CRHR2: variants seen among roughly 807,000 people sequenced by gnomAD.
CRHR2 encodes corticotropin-releasing hormone receptor 2.
A neutral mutation model predicts 57.9 loss-of-function variants in CRHR2; 53 were observed. That is an observed-to-expected ratio of 0.92 (90% CI 0.73 to 1.15). CRHR2 has a LOEUF of 1.15. Among genes scored for constraint, CRHR2 ranks in the 50% most tolerant of loss-of-function variants. CRHR2 has a pLI of 0.00. For synonymous variants in CRHR2, 213 were observed against 220.9 expected (o/e 0.96, Z 0.32); for missense variants, 532 against 542.6 (o/e 0.98, Z 0.19).
At chr7:30,664,269 G>A (rs532238807) in intron 5 of CRHR2, among the ~76,000 whole-genome samples, 1 of 152,328 alleles carries the variant, frequency 6.6e-6, no homozygotes, top group South Asian at 2.1e-4. Flanking sequence ...GATGGCCCAA[G>A]ACTAGTCTAC....
chr7:30,658,453 G>A (rs369950023), intron 8 of CRHR2, among the ~76,000 whole-genome samples: 111 of 152,286 alleles, frequency 7.3e-4, no homozygotes, highest in Non-Finnish European at 9.3e-4. Flanking sequence ...GGTTGGGGGT[G>A]GGGGAGATGA....
chr7:30,654,919 T>C, intron 11 of CRHR2, 120 bp downstream of exon 11: 2 of 1,553,816 alleles, frequency 1.3e-6, no homozygotes, highest in Non-Finnish European at 8.7e-7. Context: ...GGCCGGGTGG[T>C]ATCTCAAGGC....
chr7:30,682,130 G>C (rs1223436855), intron 1 of CRHR2, 48 bp downstream of exon 1: 1 of 1,534,854 alleles, frequency 6.5e-7, no homozygotes, highest in African/African-American at 1.4e-5. Flanking sequence ...CACCCAGCGC[G>C]CGAGAGAAGG....
chr7:30,698,122 G>A (rs1215358538), intron 1 of CRHR2: 1 of 152,344 alleles, frequency 6.6e-6, no homozygotes, highest in Non-Finnish European at 1.5e-5. Flanking sequence ...CAGGACCCGG[G>A]AAAAAGTCCC....
intron 1 of CRHR2, 67 bp from the exon 2 acceptor site, chr7:30,682,107 G>C: frequency 1.3e-6 from 2 of 1,536,234 alleles, no homozygotes; most frequent in African/African-American, 2.8e-5. Flanking sequence ...CTCGGAGCGC[G>C]GGGTCAGGGG....
chr7:30,693,450 G>C (rs568608567), intron 1 of CRHR2, among the ~76,000 whole-genome samples: 6 of 152,314 alleles, frequency 3.9e-5, no homozygotes, highest in African/African-American at 1.4e-4. Context: ...GTGCGGGGAG[G>C]GTGGCATCCA....
At position 30,682,289 on chromosome 7, in the gene CRHR2, G is replaced by T. The variant is rs554066472; in HGVS notation, c.-9C>A. 3.9e-6 allele frequency: 6 copies of T among 1,554,664 alleles called. No homozygotes were observed. The highest frequency in any genetic ancestry group is 5.2e-6 in the Non-Finnish European group (6 of 1,158,120). ...AGCAGTGCCGCGTCCATCGCGTCCC[G>T]CAGCCGCGTGCGGAGAGGGAGTGGG... On this transcript the variant is annotated 5_prime_UTR_variant, in exon 1 of 12. Transcript: ENST00000471646.
intron 2 of CRHR2, among the ~76,000 whole-genome samples, chr7:30,680,619 C>T (rs182281872): frequency 6.6e-6 from 1 of 152,264 alleles, no homozygotes; most frequent in Admixed American, 6.5e-5. Flanking sequence ...TCTGCTTGCA[C>T]ACCTCCTAGC....
chr7:30,677,800 T>C (rs1006709497), intron 2 of CRHR2, among the ~76,000 whole-genome samples: 2 of 152,204 alleles, frequency 1.3e-5, no homozygotes, highest in Non-Finnish European at 2.9e-5. Context: ...CCAGGTGCAG[T>C]GGCTCACGCC....
At chr7:30,657,808 C>G (rs1413128525) in intron 8 of CRHR2, among the ~76,000 whole-genome samples, 1 of 152,078 alleles carries the variant, frequency 6.6e-6, no homozygotes, top group Non-Finnish European at 1.5e-5. Context: ...ATTCATCCTT[C>G]CTTCCTTCCA....
In CRHR2 at chr7:30,662,799, T is replaced by C; in HGVS notation, c.592A>G (p.Asn198Asp). The change falls in exon 6 of 12, where the codon AAC becomes GAC. Residue 198 changes from asparagine to aspartate, a missense_variant. By Grantham distance (23) the Asn-to-Asp change is conservative. Coordinates refer to ENST00000471646, the MANE Select transcript of CRHR2 (RefSeq NM_001883.5). Reference protein sequence around the residue: ...TTIFNYFVVTNFFWMFVEGCY... With the variant: ...TTIFNYFVVTDFFWMFVEGCY... ...CCTTCCACAAACATCCAGAAGAAGT[T>C]GGTCACCACGAAGTAGTTGAAGATG... 6.2e-7 allele frequency: 1 copy of C among 1,614,130 alleles called. No individual in the cohort carries two copies. Among genetic ancestry groups the C allele is most frequent in the Non-Finnish European group, 8.5e-7 (1 of 1,180,024 alleles).
chr7:30,667,122 C>T, intron 3 of CRHR2, 106 bp downstream of exon 3: 1 of 955,818 alleles, frequency 1.0e-6, no homozygotes, highest in South Asian at 1.4e-5. Flanking sequence ...AAGGGAGTGA[C>T]TGGGTGACAA....
At chr7:30,683,628 T>TGGG (rs1784793707), upstream of CRHR2, among the ~76,000 whole-genome samples, 1 of 152,206 alleles carries the variant, frequency 6.6e-6, no homozygotes, top group Non-Finnish European at 1.5e-5. Flanking sequence ...CCAGGCAGGA[T>TGGG]GCTTGCCCTC....
intron 11 of CRHR2, 32 bp downstream of exon 11, chr7:30,655,007 T>G (rs749395156): frequency 6.2e-7 from 1 of 1,609,078 alleles, no homozygotes; most frequent in South Asian, 1.1e-5. Context: ...GACCTGGATA[T>G]CCCAGGCCAC....
chr7:30,655,754 G>C, intron 9 of CRHR2, 39 bp from the exon 10 acceptor site: 1 of 1,603,654 alleles, frequency 6.2e-7, no homozygotes, highest in Middle Eastern at 1.7e-4. Flanking sequence ...AGCCCATGCG[G>C]CAGGCAGGGC....
chr7:30,668,010 CAG>C (rs1227685034), intron 2 of CRHR2, among the ~76,000 whole-genome samples: 1 of 152,218 alleles, frequency 6.6e-6, no homozygotes, highest in East Asian at 1.9e-4. Context: ...GCTGGGGACT[CAG>C]GGCTGGGCCA....
In CRHR2 at chr7:30,662,916, C is replaced by T. The variant is rs1384042008; in HGVS notation, c.544-69G>A. The T allele has an allele frequency of 3.8e-6, 6 of 1,562,462 alleles. No individual in the cohort carries two copies. The African/African-American group carries it at 8.1e-5, about 21-fold the overall frequency. On this transcript the variant is annotated intron_variant, in intron 5 of 11. Coordinates refer to ENST00000471646, the MANE Select transcript of CRHR2 (RefSeq NM_001883.5). ...CAGGTAGGACATACCCATCCCCAGG[C>T]AGGGCAACAAGACACAGGGCTCCCC...
intron 2 of CRHR2, among the ~76,000 whole-genome samples, chr7:30,680,794 C>A (rs975478277): frequency 6.6e-6 from 1 of 150,904 alleles, no homozygotes; most frequent in Admixed American, 6.6e-5. Flanking sequence ...CATGGCAAAG[C>A]CCTCAGCCTC....
chr7:30,677,968 G>T (rs971102803), intron 2 of CRHR2, among the ~76,000 whole-genome samples: 15 of 152,252 alleles, frequency 9.9e-5, no homozygotes, highest in African/African-American at 3.4e-4. Flanking sequence ...TACTCGGGAG[G>T]CTGAGGCAGG....
Sources: allele counts gnomAD v4.1 joint callset (sites outside exome capture counted in the v4.1 genomes callset), GRCh38; gene constraint gnomAD v4.1.1; transcripts MANE v1.5; gene names NCBI Gene and HGNC (gene_info 2026-07-23, HGNC 2026-07-21).